Variants in FGF13 observed in about 807,000 individuals in gnomAD.
The protein encoded by FGF13 is fibroblast growth factor 13.
In FGF13, 2 loss-of-function variants were observed where a neutral mutation model predicts 19.5. The ratio of observed to expected loss-of-function variants is 0.10; its 90% CI spans 0.04 to 0.32. FGF13 has a LOEUF of 0.32. FGF13 is among the 10% of genes least tolerant of loss of function. The pLI is 1.00. For synonymous variants in FGF13, 72 were observed against 76.9 expected (o/e 0.94, Z 0.33); for missense variants, 113 against 192.7 (o/e 0.59, Z 2.45).
chrX:139,164,342 T>C (rs2084061855), intron 1 of FGF13, among the ~76,000 whole-genome samples: 1 of 110,678 alleles, frequency 9.0e-6, no homozygotes, highest in Non-Finnish European at 1.9e-5. Context: ...CCATGTACAT[T>C]ATGGAGATTA....
downstream of FGF13, among the ~76,000 whole-genome samples, chrX:138,856,658 A>C (rs2091259560): frequency 8.9e-6 from 1 of 112,192 alleles, no homozygotes; most frequent in Admixed American, 9.5e-5. Flanking sequence ...TGAGGGGAAA[A>C]TGGGCTGTTT....
At chrX:138,733,288 T>A (rs1246158684) in intron 1 of FGF13, among the ~76,000 whole-genome samples, 1 of 111,855 alleles carries the variant, frequency 8.9e-6, no homozygotes. Context: ...ATTATCAATA[T>A]GTATTCATGT....
chrX:139,099,792 A>AT (rs34750863), intron 1 of FGF13, among the ~76,000 whole-genome samples: 4 of 111,508 alleles, frequency 3.6e-5, no homozygotes, highest in Non-Finnish European at 7.5e-5. Context: ...TTCAGAGAGA[A>AT]TTTTTTTAAT....
At chrX:138,750,316 T>C (rs1439618383) in intron 3 of FGF13, among the ~76,000 whole-genome samples, 1 of 112,263 alleles carries the variant, frequency 8.9e-6, no homozygotes, top group Non-Finnish European at 1.9e-5. Context: ...GAGCAATAAT[T>C]ATTTCCAGCT....
intron 3 of FGF13, among the ~76,000 whole-genome samples, chrX:138,836,735 G>A (rs1036559390): frequency 8.0e-5 from 9 of 112,057 alleles, no homozygotes; most frequent in Admixed American, 7.5e-4. Context: ...CCGAACCCTT[G>A]TTGAAGAGGT....
At chrX:139,127,003 A>G (rs746084972) in intron 1 of FGF13, among the ~76,000 whole-genome samples, 1 of 111,394 alleles carries the variant, frequency 9.0e-6, no homozygotes, top group African/African-American at 3.3e-5. Context: ...CTCACCATCT[A>G]CTAGCATGGC....
At chrX:138,988,598 G>A (rs1442489249) in intron 1 of FGF13, among the ~76,000 whole-genome samples, 1 of 112,209 alleles carries the variant, frequency 8.9e-6, no homozygotes, top group Non-Finnish European at 1.9e-5. Context: ...TATGCAGAGG[G>A]AGTATGCAGG....
chrX:138,716,929 A>G (rs767615551), intron 1 of FGF13, among the ~76,000 whole-genome samples: 2 of 112,401 alleles, frequency 1.8e-5, no homozygotes, highest in South Asian at 3.7e-4. Context: ...CATTCTCTAA[A>G]TACTTAAGCT....
chrX:138,957,166 C>T (rs2091845123), intron 1 of FGF13, among the ~76,000 whole-genome samples: 1 of 111,819 alleles, frequency 8.9e-6, no homozygotes, highest in Non-Finnish European at 1.9e-5. Flanking sequence ...AAGCCACACA[C>T]AGTCTCTTCA....
intron 1 of FGF13, among the ~76,000 whole-genome samples, chrX:139,138,632 C>A (rs1271976765): frequency 1.8e-5 from 2 of 111,622 alleles, no homozygotes; most frequent in Non-Finnish European, 3.8e-5. Flanking sequence ...GAAACAACAG[C>A]ATAGACTGGG....
chrX:138,784,007 C>G (rs1407326010), intron 3 of FGF13, among the ~76,000 whole-genome samples: 2 of 100,093 alleles, frequency 2.0e-5, no homozygotes, highest in African/African-American at 7.2e-5. Context: ...GAGTTCATGT[C>G]CTTTGTAGGG....
chrX:138,959,452 A>G (rs935115547), intron 1 of FGF13, among the ~76,000 whole-genome samples: 1 of 111,962 alleles, frequency 8.9e-6, no homozygotes, highest in Non-Finnish European at 1.9e-5. Flanking sequence ...TATGTGGTCA[A>G]TTTTGGAATA....
intron 1 of FGF13, among the ~76,000 whole-genome samples, chrX:138,872,215 GATA>G (rs1342127934): frequency 8.9e-6 from 1 of 111,750 alleles, no homozygotes; most frequent in Non-Finnish European, 1.9e-5. Context: ...GATACCCTTT[GATA>G]ATAATAACTC....
At chrX:138,672,173 C>T (rs2089620358) in intron 3 of FGF13, among the ~76,000 whole-genome samples, 1 of 110,885 alleles carries the variant, frequency 9.0e-6, no homozygotes, top group Non-Finnish European at 1.9e-5. Context: ...GCATTAAATT[C>T]CATACTAAGG....
chrX:138,831,795 C>T (rs768008189), intron 3 of FGF13, among the ~76,000 whole-genome samples: 4 of 110,597 alleles, frequency 3.6e-5, no homozygotes, highest in Non-Finnish European at 5.7e-5. Context: ...AGCCAAGTAC[C>T]CATTAGTTAT....
At chrX:138,876,775 T>G (rs1237186947) in intron 1 of FGF13, among the ~76,000 whole-genome samples, 1 of 112,244 alleles carries the variant, frequency 8.9e-6, no homozygotes, top group Non-Finnish European at 1.9e-5. Context: ...ACTTTGAGTG[T>G]TAAGTTTGAA....
intron 3 of FGF13, among the ~76,000 whole-genome samples, chrX:138,650,315 C>A (rs2089355585): frequency 8.9e-6 from 1 of 111,836 alleles, no homozygotes; most frequent in African/African-American, 3.2e-5. Context: ...GAAGCGGCAG[C>A]AGCTAATTGC....
At chrX:139,170,561 T>C (rs1388007923) in intron 1 of FGF13, among the ~76,000 whole-genome samples, 2 of 111,783 alleles carry the variant, frequency 1.8e-5, no homozygotes, top group Non-Finnish European at 3.8e-5. Flanking sequence ...TGAAATGTCC[T>C]TTCCCAACCT....
chrX:138,894,706 G>A (rs1038465198), intron 1 of FGF13, among the ~76,000 whole-genome samples: 18 of 110,929 alleles, frequency 1.6e-4, no homozygotes, highest in Non-Finnish European at 3.0e-4. Flanking sequence ...GGACCAGATG[G>A]ATTCACAGCC....
Sources: allele counts gnomAD v4.1 joint callset (sites outside exome capture counted in the v4.1 genomes callset), GRCh38; gene constraint gnomAD v4.1.1; transcripts MANE v1.5; gene names NCBI Gene and HGNC (gene_info 2026-07-23, HGNC 2026-07-21).